KAZN: variants seen among roughly 807,000 people sequenced by gnomAD.
KAZN encodes kazrin, periplakin interacting protein.
KAZN carries 40 observed loss-of-function variants against 87.4 expected under a neutral mutation model. The observed-to-expected ratio is 0.46, with a 90% CI of 0.36 to 0.60. The LOEUF is 0.60. Ranked by LOEUF, KAZN falls within the 20% of genes least tolerant of loss-of-function variation. The pLI, the probability that KAZN is intolerant of heterozygous loss-of-function variation, is 0.00. For synonymous variants in KAZN, 466 were observed against 458.3 expected (o/e 1.02, Z -0.22); for missense variants, 898 against 1,073.9 (o/e 0.84, Z 2.29).
Position 15,046,258 on chromosome 1 carries a change from G to A in KAZN, c.726+2099G>A, listed in dbSNP as rs571656392. 6.1e-5 allele frequency among the ~76,000 whole-genome samples: 9 copies of A among 146,374 alleles called. No individual in the cohort carries two copies. In the East Asian group the frequency reaches 1.0e-3, roughly 16 times the overall value. Reference sequence around the variant, plus strand: ...GGTTGCAGTGAGCCAAGGTCAAGCCGCTGCACTCCAGCCTGGGCAACAGAG... The same window carrying A: ...GGTTGCAGTGAGCCAAGGTCAAGCCACTGCACTCCAGCCTGGGCAACAGAG... On this transcript the variant is annotated intron_variant, in intron 4 of 14. Transcript: ENST00000376030.
chr1:15,063,393 A>G (rs1638957967), intron 6 of KAZN, 179 bp from the exon 7 acceptor site: 3 of 627,692 alleles, frequency 4.8e-6, no homozygotes, highest in Admixed American at 4.7e-5. Flanking sequence ...GGCCCCATCA[A>G]TAAGCCATCT....
intron 8 of KAZN, among the ~76,000 whole-genome samples, chr1:15,089,431 T>C (rs1364920219): frequency 6.6e-6 from 1 of 151,986 alleles, no homozygotes; most frequent in Non-Finnish European, 1.5e-5. Flanking sequence ...GGAGGACTTG[T>C]TCCCTCTGAA....
chr1:14,027,822 C>G (rs1641147384), intron 1 of KAZN, among the ~76,000 whole-genome samples: 1 of 152,164 alleles, frequency 6.6e-6, no homozygotes, highest in South Asian at 2.1e-4. Flanking sequence ...TGCAGCATCT[C>G]TCTCTAAGGC....
intron 1 of KAZN, among the ~76,000 whole-genome samples, chr1:14,170,186 C>A (rs1339373): frequency 1.3e-5 from 2 of 152,112 alleles, no homozygotes; most frequent in Non-Finnish European, 2.9e-5. Flanking sequence ...TCAGGCACCA[C>A]GTGGCTGGGA....
intron 1 of KAZN, among the ~76,000 whole-genome samples, chr1:14,771,111 T>A (rs1029689214): frequency 3.9e-5 from 6 of 152,102 alleles, no homozygotes; most frequent in African/African-American, 1.2e-4. Context: ...CCACCCAGAA[T>A]GATTCGCTGT....
intron 1 of KAZN, among the ~76,000 whole-genome samples, chr1:14,044,637 G>A (rs1641984816): frequency 2.0e-5 from 3 of 152,054 alleles, no homozygotes; most frequent in Middle Eastern, 3.4e-3. Context: ...GATAAACCAG[G>A]CAATTTTCTA....
In KAZN at chr1:15,115,364, T is replaced by G. The variant is rs1641807896; in HGVS notation, c.*729T>G. The G allele has an allele frequency of 6.6e-6, 1 of 152,252 alleles. No homozygotes were observed. Among genetic ancestry groups the G allele is most frequent in the Non-Finnish European group, 1.5e-5 (1 of 68,048 alleles). The allele number at this position is 152,252 out of a possible 1,614,324, so 9.4% of individuals were successfully genotyped here. On this transcript the variant is annotated 3_prime_UTR_variant, in exon 15 of 15. Coordinates refer to ENST00000376030, the MANE Select transcript of KAZN (RefSeq NM_201628.3). The surrounding 1 kb of genome is among the most constrained non-coding windows in gnomAD (Gnocchi z 4.1). ...GAGTGGGGCTTAGCAGCCACATTTC[T>G]AGGAGATGCAGATATCCTATCACCA... is the stretch of plus-strand genomic sequence containing the variant.
chr1:13,968,014 G>T (rs1330817232), intron 1 of KAZN, among the ~76,000 whole-genome samples: 20 of 152,178 alleles, frequency 1.3e-4, no homozygotes, highest in Admixed American at 1.2e-3. Flanking sequence ...GTCTCTAGGG[G>T]CCTCCTCCTG....
At chr1:14,730,078 C>T (rs542785107) in intron 1 of KAZN, among the ~76,000 whole-genome samples, 91 of 152,216 alleles carry the variant, frequency 6.0e-4, no homozygotes, top group African/African-American at 2.0e-3. Flanking sequence ...TGGTCCCTCT[C>T]ATAAAGTATC....
chr1:14,057,323 C>CG (rs1282038089), intron 1 of KAZN, among the ~76,000 whole-genome samples: 4 of 151,916 alleles, frequency 2.6e-5, no homozygotes, highest in African/African-American at 9.7e-5. Context: ...TTAGTAGAGA[C>CG]GGGGTTTCAC....
chr1:14,178,906 T>C (rs1005388248), intron 1 of KAZN, among the ~76,000 whole-genome samples: 11 of 152,218 alleles, frequency 7.2e-5, no homozygotes, highest in Non-Finnish European at 1.5e-4. Context: ...GGAATAGCCT[T>C]TATTCTAGGA....
At chr1:14,096,227 G>A (rs1178784374) in intron 1 of KAZN, among the ~76,000 whole-genome samples, 3 of 152,102 alleles carry the variant, frequency 2.0e-5, no homozygotes, top group Admixed American at 1.3e-4. Flanking sequence ...CTTCATCATA[G>A]AAACAGTCCC....
chr1:14,436,120 T>C (rs916050773), intron 2 of KAZN, among the ~76,000 whole-genome samples: 1 of 151,876 alleles, frequency 6.6e-6, no homozygotes, highest in Non-Finnish European at 1.5e-5. Context: ...TCCCAGCTAC[T>C]TGGGAGGCTG....
intron 1 of KAZN, among the ~76,000 whole-genome samples, chr1:14,762,722 C>T (rs2100552520): frequency 6.7e-6 from 1 of 149,474 alleles, no homozygotes; most frequent in East Asian, 2.0e-4. Context: ...AAGACTCTGT[C>T]TCAAAAAAAA....
intron 1 of KAZN, among the ~76,000 whole-genome samples, chr1:14,690,071 G>A (rs944439407): frequency 7.2e-5 from 11 of 152,222 alleles, no homozygotes; most frequent in Middle Eastern, 3.4e-3. Flanking sequence ...AACCTGCTGC[G>A]TCAACACCGT....
At chr1:14,090,387 C>G (rs145539465) in intron 1 of KAZN, among the ~76,000 whole-genome samples, 3 of 152,126 alleles carry the variant, frequency 2.0e-5, no homozygotes, top group East Asian at 3.9e-4. Context: ...CTCTCTCTCT[C>G]TCTTTTTTTC....
At chr1:14,037,902 T>G (rs1641628499) in intron 1 of KAZN, among the ~76,000 whole-genome samples, 1 of 152,190 alleles carries the variant, frequency 6.6e-6, no homozygotes, top group Non-Finnish European at 1.5e-5. Flanking sequence ...TAGGACGCAT[T>G]GCTTGCCTGC....
chr1:14,191,843 G>T (rs1406635440), intron 2 of KAZN, among the ~76,000 whole-genome samples: 3 of 152,078 alleles, frequency 2.0e-5, no homozygotes, highest in African/African-American at 7.2e-5. Flanking sequence ...GTGATGGGTG[G>T]CATCCATGAC....
At chr1:14,542,513 C>T (rs1236017041) in intron 2 of KAZN, among the ~76,000 whole-genome samples, 1 of 152,014 alleles carries the variant, frequency 6.6e-6, no homozygotes, top group Non-Finnish European at 1.5e-5. Flanking sequence ...TTTAAGGACC[C>T]AGAAAATCAA....
Sources: allele counts gnomAD v4.1 joint callset (sites outside exome capture counted in the v4.1 genomes callset), GRCh38; gene constraint gnomAD v4.1.1; non-coding constraint Gnocchi (gnomAD v3.1); transcripts MANE v1.5; gene names NCBI Gene and HGNC (gene_info 2026-07-23, HGNC 2026-07-21).